KCNQ1: variants seen among roughly 807,000 people sequenced by gnomAD.
KCNQ1 encodes potassium voltage-gated channel subfamily KQT member 1.
A neutral mutation model predicts 72.4 loss-of-function variants in KCNQ1; 49 were observed. The observed-to-expected ratio is 0.68, with a 90% CI of 0.54 to 0.86. The LOEUF (loss-of-function observed/expected upper bound fraction) is 0.86, where lower values mean the gene tolerates loss of function less well. Ranked by LOEUF, KCNQ1 falls within the 40% of genes least tolerant of loss-of-function variation. KCNQ1 has a pLI of 0.00. For missense variants in KCNQ1, 790 were observed against 945.1 expected (o/e 0.84, Z 2.15); for synonymous variants, 450 against 412.6 (o/e 1.09, Z -1.10).
chr11:2,830,044 A>G lies in KCNQ1; in HGVS notation c.1795-17723A>G, dbSNP rs1311933090. On this transcript the variant is annotated intron_variant, in intron 15 of 15. Coordinates refer to ENST00000155840, the MANE Select transcript of KCNQ1 (RefSeq NM_000218.3). This position sits in a 1 kb window ranked among gnomAD's most constrained non-coding sequence, Gnocchi z 7.7. ...GGAGGAGGAAGGAGGAGGGAGGAGG[A>G]AGGAGGAGGGAGGAGGGAGGAAGAG... 1.4e-4 allele frequency among the ~76,000 whole-genome samples: 16 copies of G among 110,454 alleles called. No homozygotes were observed. Among genetic ancestry groups the G allele is most frequent in the Non-Finnish European group, 1.9e-4 (9 of 48,508 alleles). The allele number at this position is 110,454 out of a possible 152,430, so 72.5% of individuals were successfully genotyped here. A position where few individuals can be genotyped will look rare whatever the true frequency, so the allele number is the denominator to read the frequency against.
chr11:2,788,005 G>T (rs1045965451), intron 15 of KCNQ1, among the ~76,000 whole-genome samples: 5 of 152,194 alleles, frequency 3.3e-5, no homozygotes, highest in Non-Finnish European at 7.3e-5. Flanking sequence ...CGTGTGGGGA[G>T]GTGAGTGTGG....
intron 10 of KCNQ1, chr11:2,637,482 C>T (rs139061123): frequency 2.6e-5 from 4 of 152,088 alleles, no homozygotes; most frequent in Admixed American, 2.0e-4. Flanking sequence ...GTTTCCATGT[C>T]GTTGAGCGGT....
rs528317550 is a variant in KCNQ1, at chr11:2,551,118, G to A, written c.478-19510G>A. On this transcript the variant is annotated intron_variant, in intron 2 of 15. Transcript: ENST00000155840. ...TTCTTCTTTTAAATTTAGGTTTGTC[G>A]AGGTTTAAGTTACATACAGGAAAAC... Among the ~76,000 whole-genome samples the A allele has an allele frequency of 2.0e-3, 301 of 152,198 alleles. 1 individual carries two copies. Among genetic ancestry groups the A allele is most frequent in the African/African-American group, 6.8e-3 (283 of 41,516 alleles).
chr11:2,740,529 C>T (rs1017880203), intron 11 of KCNQ1, among the ~76,000 whole-genome samples: 3 of 152,160 alleles, frequency 2.0e-5, no homozygotes, highest in Non-Finnish European at 2.9e-5. Flanking sequence ...CGAATGTGAG[C>T]GGGTGGACCC....
chr11:2,449,543 G>A (rs546536784), intron 1 of KCNQ1, among the ~76,000 whole-genome samples: 1 of 152,194 alleles, frequency 6.6e-6, no homozygotes, highest in South Asian at 2.1e-4. Flanking sequence ...TATGAGTTCT[G>A]CCACGTGCCA....
chr11:2,696,575 A>G (rs190538266), intron 11 of KCNQ1: 1 of 398,538 alleles, frequency 2.5e-6, no homozygotes, highest in Admixed American at 4.4e-5. Context: ...ATTTTAGAAT[A>G]TGTTTGTTAA....
chr11:2,666,741 C>T (rs906374537), intron 11 of KCNQ1: 2 of 398,702 alleles, frequency 5.0e-6, no homozygotes, highest in Non-Finnish European at 8.8e-6. Context: ...CCCCAGGGTA[C>T]CAGGCACTGC....
rs1460193996 is a variant in KCNQ1, at chr11:2,567,164, C to T, written c.478-3464C>T. ...TCAGTGTGGACAGCAGGAGCTATGGCAGCTGCTTGAGCAAGGTGGGCAAGG... is the reference window on the plus strand; with the variant it reads ...TCAGTGTGGACAGCAGGAGCTATGGTAGCTGCTTGAGCAAGGTGGGCAAGG... On this transcript the variant is annotated intron_variant, in intron 2 of 15. Coordinates refer to ENST00000155840, the MANE Select transcript of KCNQ1 (RefSeq NM_000218.3). The surrounding 1 kb of genome is among the most constrained non-coding windows in gnomAD (Gnocchi z 6.6). Among the ~76,000 whole-genome samples, 1 of 152,100 alleles carries T rather than the reference C, an allele frequency of 6.6e-6. No homozygotes were observed. The highest frequency in any genetic ancestry group is 1.5e-5 in the Non-Finnish European group (1 of 67,982).
intron 11 of KCNQ1, chr11:2,681,588 G>C: frequency 2.5e-6 from 1 of 398,400 alleles, no homozygotes; most frequent in Non-Finnish European, 4.4e-6. Flanking sequence ...GAAGTTTCTA[G>C]CTTGCTTGCT....
At chr11:2,825,443 G>C (rs1040493130) in intron 15 of KCNQ1, among the ~76,000 whole-genome samples, 1 of 152,120 alleles carries the variant, frequency 6.6e-6, no homozygotes, top group African/African-American at 2.4e-5. Flanking sequence ...CACGCGGGGG[G>C]GTAGGGGCGC....
At chr11:2,518,346 C>G (rs1215975145) in intron 1 of KCNQ1, among the ~76,000 whole-genome samples, 2 of 152,336 alleles carry the variant, frequency 1.3e-5, no homozygotes, top group African/African-American at 4.8e-5. Flanking sequence ...GGTCTTGTAA[C>G]ATGGGAGGGT....
In KCNQ1 at chr11:2,612,549, C is replaced by G. The variant is rs1345819568; in HGVS notation, c.1393+23695C>G. 2 of 398,334 alleles carry G rather than the reference C, an allele frequency of 5.0e-6. No individual in the cohort carries two copies. Among genetic ancestry groups the G allele is most frequent in the Non-Finnish European group, 8.8e-6 (2 of 226,050 alleles). 24.7% of individuals were successfully genotyped at this position (398,334 alleles called of 1,614,324 possible). A position where few individuals can be genotyped will look rare whatever the true frequency, so the allele number is the denominator to read the frequency against. The stretch of plus-strand genomic sequence containing the variant: ...TTAGCCGCACTAGTGAGTTTTTCAC[C>G]TAAGTTATTATATTTCACAACTACA... On this transcript the variant is annotated intron_variant, in intron 10 of 15. Transcript: ENST00000155840. The surrounding 1 kb of genome is among the most constrained non-coding windows in gnomAD (Gnocchi z 5.5).
chr11:2,608,414 T>C lies in KCNQ1; in HGVS notation c.1393+19560T>C. 3 of 398,638 alleles carry C rather than the reference T, an allele frequency of 7.5e-6. No homozygotes were observed. The highest frequency in any genetic ancestry group is 1.3e-5 in the Non-Finnish European group (3 of 226,056). The allele number at this position is 398,638 out of a possible 1,614,324, so 24.7% of individuals were successfully genotyped here. A position where few individuals can be genotyped will look rare whatever the true frequency, so the allele number is the denominator to read the frequency against. On this transcript the variant is annotated intron_variant, in intron 10 of 15. Transcript: ENST00000155840. The surrounding 1 kb of genome is among the most constrained non-coding windows in gnomAD (Gnocchi z 4.6). Reference sequence around the variant, plus strand: ...TTTATTGGCACAAAATTGTTCATAGTGTTCCTTCATAATCCTTTTTATTTC... The same window carrying C: ...TTTATTGGCACAAAATTGTTCATAGCGTTCCTTCATAATCCTTTTTATTTC...
Position 2,817,720 on chromosome 11 carries a change from C to G in KCNQ1, c.1795-30047C>G, listed in dbSNP as rs1205264845. ...AGGCCCCCTTCTCACAGGGGCCTAC[C>G]CACTTACGACCCACCTCCTCTCCTC... On this transcript the variant is annotated intron_variant, in intron 15 of 15. Coordinates refer to ENST00000155840, the MANE Select transcript of KCNQ1 (RefSeq NM_000218.3). The surrounding 1 kb of genome is among the most constrained non-coding windows in gnomAD (Gnocchi z 6.1). 1.3e-5 allele frequency among the ~76,000 whole-genome samples: 2 copies of G among 152,076 alleles called. No homozygotes were observed. The highest frequency in any genetic ancestry group is 2.9e-5 in the Non-Finnish European group (2 of 68,002).
At chr11:2,519,009 C>T (rs1366491897) in intron 1 of KCNQ1, among the ~76,000 whole-genome samples, 3 of 152,136 alleles carry the variant, frequency 2.0e-5, no homozygotes, top group Non-Finnish European at 4.4e-5. Context: ...CCTGTTGTGG[C>T]TGCCAGGGGA....
chr11:2,841,008 T>TA (rs1361521494), intron 15 of KCNQ1, among the ~76,000 whole-genome samples: 2 of 152,224 alleles, frequency 1.3e-5, no homozygotes, highest in African/African-American at 4.8e-5. Context: ...TGTCTAGGGT[T>TA]AAGACGGTGA....
At position 2,588,839 on chromosome 11, in the gene KCNQ1, G is replaced by T. The variant is rs199472783; in HGVS notation, c.1378G>T (p.Gly460Cys). The T allele has an allele frequency of 6.2e-7, 1 of 1,612,118 alleles. No homozygotes were observed. The highest frequency in any genetic ancestry group is 1.1e-5 in the South Asian group (1 of 90,978). Reference sequence around the variant, plus strand: ...GCGGCTGGACCACTTCTCTGTCGACGGCTATGACAGTTCTGGTGAGAACCC... The same window carrying T: ...GCGGCTGGACCACTTCTCTGTCGACTGCTATGACAGTTCTGGTGAGAACCC... ...ERRLDHFSVD[G>C]YDSSVRKSPT... Residue 460 changes from glycine to cysteine, a missense_variant, in exon 10 of 16, where the codon GGC becomes TGC. By Grantham distance (159) the Gly-to-Cys change is radical. Coordinates refer to ENST00000155840, the MANE Select transcript of KCNQ1 (RefSeq NM_000218.3). This position sits in a 1 kb window ranked among gnomAD's most constrained non-coding sequence, Gnocchi z 5.6.
chr11:2,669,672 G>A lies in KCNQ1; in HGVS notation c.1514+7591G>A, dbSNP rs1590020800. The A allele has an allele frequency of 1.3e-5, 5 of 398,628 alleles. No individual in the cohort carries two copies. The highest frequency in any genetic ancestry group is 2.2e-5 in the Non-Finnish European group (5 of 226,078). The allele number at this position is 398,628 out of a possible 1,614,324, so 24.7% of individuals were successfully genotyped here. ...TGGGAGTATATCTCACAGTATTAGT[G>A]TAAGGCCTTGAGGAGATGGTGTTAG... On this transcript the variant is annotated intron_variant, in intron 11 of 15. Coordinates refer to ENST00000155840, the MANE Select transcript of KCNQ1 (RefSeq NM_000218.3). The surrounding 1 kb of genome is among the most constrained non-coding windows in gnomAD (Gnocchi z 5.6).
At chr11:2,842,336 G>A (rs1160079744) in intron 15 of KCNQ1, among the ~76,000 whole-genome samples, 1 of 152,222 alleles carries the variant, frequency 6.6e-6, no homozygotes, top group Non-Finnish European at 1.5e-5. Context: ...CAGACTCAGT[G>A]CCATCTGTCT....
Sources: allele counts gnomAD v4.1 joint callset (sites outside exome capture counted in the v4.1 genomes callset), GRCh38; gene constraint gnomAD v4.1.1; non-coding constraint Gnocchi (gnomAD v3.1); transcripts MANE v1.5; gene names NCBI Gene and HGNC (gene_info 2026-07-23, HGNC 2026-07-21).